Variants in TRPM7 observed in about 807,000 individuals in gnomAD.
TRPM7 encodes LTRPC ion channel family member 7.
Under a neutral mutation model 229.7 loss-of-function variants are expected in TRPM7, and 134 were observed. The ratio of observed to expected loss-of-function variants is 0.58; its 90% CI spans 0.51 to 0.67. The LOEUF (loss-of-function observed/expected upper bound fraction) is 0.67. Ranked by LOEUF, TRPM7 falls within the 30% of genes least tolerant of loss-of-function variation. The pLI, the probability that TRPM7 is intolerant of heterozygous loss-of-function variation, is 0.00. For missense variants in TRPM7, 1,901 were observed against 2,210.0 expected, an observed-to-expected ratio of 0.86 and a Z score of 2.80; for synonymous variants, 699 against 715.2, an observed-to-expected ratio of 0.98 and a Z score of 0.36.
At chr15:50,586,245 TC>T (rs2059339717) in intron 28 of TRPM7, 146 bp downstream of exon 28, 1 of 509,200 alleles carries the variant, frequency 2.0e-6, no homozygotes, top group African/African-American at 2.0e-5. Context: ...TACGACTTAT[TC>T]AAGGTTACAG....
At chr15:50,605,967 T>C (rs984279243) in intron 20 of TRPM7, among the ~76,000 whole-genome samples, 17 of 152,214 alleles carry the variant, frequency 1.1e-4, no homozygotes, top group African/African-American at 4.1e-4. Context: ...GAAATTCTTA[T>C]GATATCTAAG....
intron 5 of TRPM7, among the ~76,000 whole-genome samples, chr15:50,643,004 T>A (rs61216053): frequency 0.02 from 3,089 of 152,230 alleles, 121 homozygotes; most frequent in African/African-American, 0.071. Flanking sequence ...TATAAAAAAA[T>A]TTAAGGGCCG....
chr15:50,591,654 G>A (rs914071343), intron 26 of TRPM7, among the ~76,000 whole-genome samples: 1 of 151,980 alleles, frequency 6.6e-6, no homozygotes, highest in African/African-American at 2.4e-5. Context: ...ATGCCACTGC[G>A]CCTGGCTACT....
In TRPM7 at chr15:50,686,572, A is replaced by G. The variant is rs754085879; in HGVS notation, c.-39T>C. On this transcript the variant is annotated 5_prime_UTR_variant, in exon 1 of 39. Transcript: ENST00000646667. ...CGGACTCCGGAAGGGCAGCAACTCCACCTCCTCCTCCTCCGCGGCCTGTAG... is the reference window on the plus strand; with the variant it reads ...CGGACTCCGGAAGGGCAGCAACTCCGCCTCCTCCTCCTCCGCGGCCTGTAG... 2 of 1,602,706 alleles carry G rather than the reference A, an allele frequency of 1.2e-6. No homozygotes were observed. Among genetic ancestry groups the G allele is most frequent in the South Asian group, 1.1e-5 (1 of 90,412 alleles).
chr15:50,631,590 T>C, intron 9 of TRPM7, 101 bp from the exon 10 acceptor site: 1 of 621,256 alleles, frequency 1.6e-6, no homozygotes, highest in South Asian at 2.3e-5. Flanking sequence ...AAAATATATA[T>C]GTATGTATCT....
intron 1 of TRPM7, among the ~76,000 whole-genome samples, chr15:50,675,866 T>C (rs1176481953): frequency 1.3e-5 from 2 of 152,198 alleles, no homozygotes; most frequent in South Asian, 2.1e-4. Flanking sequence ...AGTGGTTAAA[T>C]AGTACAGATT....
intron 1 of TRPM7, among the ~76,000 whole-genome samples, chr15:50,684,973 G>A (rs2062325046): frequency 6.6e-6 from 1 of 152,004 alleles, no homozygotes; most frequent in African/African-American, 2.4e-5. Flanking sequence ...ATAATATTGT[G>A]GTTATGTTAA....
intron 11 of TRPM7, among the ~76,000 whole-genome samples, chr15:50,625,611 G>A (rs555349818): frequency 4.0e-5 from 6 of 151,808 alleles, no homozygotes; most frequent in Non-Finnish European, 4.4e-5. Flanking sequence ...TTAAAATAGG[G>A]ACAGGTCTCA....
At chr15:50,674,269 G>A (rs1049782223) in intron 1 of TRPM7, among the ~76,000 whole-genome samples, 3 of 152,124 alleles carry the variant, frequency 2.0e-5, no homozygotes, top group Non-Finnish European at 2.9e-5. Context: ...GATTACAGGC[G>A]TGAGCCACCA....
intron 1 of TRPM7, among the ~76,000 whole-genome samples, chr15:50,666,836 C>A (rs1261229966): frequency 6.6e-6 from 1 of 151,922 alleles, no homozygotes; most frequent in Non-Finnish European, 1.5e-5. Flanking sequence ...GGTGGCAGCA[C>A]AAGTAATAGT....
At chr15:50,603,653 T>G (rs1025193076) in intron 21 of TRPM7, among the ~76,000 whole-genome samples, 8 of 152,310 alleles carry the variant, frequency 5.3e-5, no homozygotes, top group African/African-American at 1.7e-4. Context: ...CATCCTTTTT[T>G]GTGGCTGCAC....
rs927559887 is a variant in TRPM7, at chr15:50,626,402, A to AG, written c.1305+1746dup. On this transcript the variant is annotated intron_variant, in intron 11 of 38. Coordinates refer to ENST00000646667, the MANE Select transcript of TRPM7 (RefSeq NM_017672.6). ...AACAAAATCTTAATTTTCATATCTG[A>AG]GGGGGAAAAAGGGACCATTTTAAAA... Among the ~76,000 whole-genome samples the AG allele has an allele frequency of 1.1e-4, 16 of 152,108 alleles. 1 individual carries two copies. The highest frequency in any genetic ancestry group is 1.5e-5 in the Non-Finnish European group (1 of 67,966).
chr15:50,614,315 G>A lies in TRPM7; in HGVS notation c.1495-52C>T, dbSNP rs373569849. On this transcript the variant is annotated intron_variant, in intron 13 of 38. Coordinates refer to ENST00000646667, the MANE Select transcript of TRPM7 (RefSeq NM_017672.6). The stretch of plus-strand genomic sequence containing the variant: ...AGATCAGATAGCACTTCTCAATATT[G>A]CCATGCCCTGCCTAGGAACAGGCCT... 4.8e-6 allele frequency: 7 copies of A among 1,468,468 alleles called. No homozygotes were observed. In the African/African-American group the frequency reaches 7.1e-5, roughly 15 times the overall value. The allele number at this position is 1,468,468 out of a possible 1,614,324, so 91.0% of individuals were successfully genotyped here.
chr15:50,585,070 T>TTTA (rs1207174197), intron 28 of TRPM7, among the ~76,000 whole-genome samples: 5 of 147,544 alleles, frequency 3.4e-5, no homozygotes, highest in Non-Finnish European at 7.5e-5. Flanking sequence ...TTTTTTTTTT[T>TTTA]TTGAGACGGA....
intron 25 of TRPM7, among the ~76,000 whole-genome samples, chr15:50,593,016 C>A (rs1229247070): frequency 6.6e-6 from 1 of 152,146 alleles, no homozygotes; most frequent in Non-Finnish European, 1.5e-5. Context: ...GCTGGCCAGG[C>A]ACAGTGGCTC....
At chr15:50,677,042 G>C (rs1413932653) in intron 1 of TRPM7, among the ~76,000 whole-genome samples, 1 of 152,124 alleles carries the variant, frequency 6.6e-6, no homozygotes, top group Non-Finnish European at 1.5e-5. Context: ...TAGTCGGCTT[G>C]GGATGCCACA....
chr15:50,671,614 A>C (rs1415754562), intron 1 of TRPM7, among the ~76,000 whole-genome samples: 1 of 150,956 alleles, frequency 6.6e-6, no homozygotes, highest in Non-Finnish European at 1.5e-5. Flanking sequence ...TTCAAGACCA[A>C]CCTGGGCAGC....
At position 50,587,890 on chromosome 15, in the gene TRPM7, A is replaced by AATAATT. The variant is rs1282675945; in HGVS notation, c.4390-1408_4390-1403dup. Among the ~76,000 whole-genome samples the AATAATT allele has an allele frequency of 5.9e-5, 9 of 152,158 alleles. 1 individual carries two copies. The highest frequency in any genetic ancestry group is 2.2e-4 in the African/African-American group (9 of 41,452). ...ACAGATATTCCATATGTCATATGGC[A>AATAATT]ATAATTATAAAACCAATTTGGTAGA... On this transcript the variant is annotated intron_variant, in intron 27 of 38. Coordinates refer to ENST00000646667, the MANE Select transcript of TRPM7 (RefSeq NM_017672.6).
intron 28 of TRPM7, among the ~76,000 whole-genome samples, chr15:50,583,737 C>T (rs1055818630): frequency 2.6e-5 from 4 of 151,958 alleles, no homozygotes; most frequent in African/African-American, 9.7e-5. Context: ...CCACCATGCC[C>T]GGCTAATTTT....
Sources: gnomAD v4.1 joint callset for allele counts (sites outside exome capture counted in the v4.1 genomes callset) on GRCh38, gnomAD v4.1.1 for gene constraint, MANE v1.5 for transcripts, NCBI Gene and HGNC (gene_info 2026-07-23, HGNC 2026-07-21) for gene names.